The following CDH9 variants were observed in gnomAD, a reference collection of about 807,000 sequenced individuals.
The protein encoded by CDH9 is cadherin-9.
In CDH9, 28 loss-of-function variants were observed where a neutral mutation model predicts 70.9. The observed-to-expected ratio is 0.40, with a 90% CI of 0.29 to 0.54. The LOEUF is 0.54. CDH9 is among the 20% of genes least tolerant of loss of function. CDH9 has a pLI of 0.59. For synonymous variants in CDH9, 409 were observed against 343.1 expected (o/e 1.19, Z -2.12); for missense variants, 874 against 984.4 (o/e 0.89, Z 1.50).
At chr5:27,036,541 A>G (rs1743395445) in intron 1 of CDH9, among the ~76,000 whole-genome samples, 1 of 151,980 alleles carries the variant, frequency 6.6e-6, no homozygotes, top group African/African-American at 2.4e-5. Flanking sequence ...CTGTAATAAA[A>G]GAAAAATAAT....
At chr5:27,036,371 A>G (rs1743392402) in intron 1 of CDH9, among the ~76,000 whole-genome samples, 1 of 151,926 alleles carries the variant, frequency 6.6e-6, no homozygotes. Flanking sequence ...AAGTTGAGCA[A>G]CACAACATTT....
chr5:27,024,535 C>T (rs1476557069), intron 1 of CDH9, among the ~76,000 whole-genome samples: 1 of 152,036 alleles, frequency 6.6e-6, no homozygotes, highest in Non-Finnish European at 1.5e-5. Flanking sequence ...TCTTCTCAAA[C>T]ACAGTAGTGA....
intron 2 of CDH9, among the ~76,000 whole-genome samples, chr5:26,976,089 T>A (rs2112078740): frequency 6.6e-6 from 1 of 152,204 alleles, no homozygotes; most frequent in African/African-American, 2.4e-5. Context: ...TCTAAGGAAA[T>A]AAACAGAAAT....
At chr5:26,978,582 CT>C (rs35408093) in intron 2 of CDH9, among the ~76,000 whole-genome samples, 4 of 150,104 alleles carry the variant, frequency 2.7e-5, no homozygotes, top group Admixed American at 6.6e-5. Flanking sequence ...ACAAAAATAA[CT>C]TTTTTTTTAA....
At chr5:27,033,739 G>T (rs929168565) in intron 1 of CDH9, among the ~76,000 whole-genome samples, 2 of 151,450 alleles carry the variant, frequency 1.3e-5, no homozygotes, top group Non-Finnish European at 3.0e-5. Flanking sequence ...TAGAAATTAT[G>T]TAATAATACT....
At chr5:26,914,579 A>G (rs1561193460) in intron 3 of CDH9, among the ~76,000 whole-genome samples, 1 of 151,990 alleles carries the variant, frequency 6.6e-6, no homozygotes, top group Non-Finnish European at 1.5e-5. Flanking sequence ...GTTTTCCTCA[A>G]TTAGATGACA....
At chr5:26,940,162 C>CA (rs36027792) in intron 2 of CDH9, among the ~76,000 whole-genome samples, 102,156 of 136,190 alleles carry the variant, frequency 0.75, 40,277 homozygotes, top group East Asian at 0.98. Flanking sequence ...GACTCAGTTG[C>CA]AAAAAAAAAA....
rs564324367 is a variant in CDH9, at chr5:26,915,646, A to C, written c.507T>G (p.Pro169=). ...TATACCTACCGACTCCAGACATTTC[A>C]GGAACACTGGCAGTGTATAAGTCTT... is the stretch of plus-strand genomic sequence containing the variant. ...FTKDLYTASV[P]EMSGVGTSVI... Residue 169 remains proline (P), a synonymous_variant, in exon 3 of 12, where the codon CCT becomes CCG. Coordinates refer to ENST00000231021, the MANE Select transcript of CDH9 (RefSeq NM_016279.4). 1 of 1,592,810 alleles carries C rather than the reference A, an allele frequency of 6.3e-7. No individual in the cohort carries two copies. The highest frequency in any genetic ancestry group is 2.2e-5 in the East Asian group (1 of 44,758).
At chr5:26,901,583 T>C (rs1333123157) in intron 7 of CDH9, among the ~76,000 whole-genome samples, 1 of 151,910 alleles carries the variant, frequency 6.6e-6, no homozygotes, top group African/African-American at 2.4e-5. Context: ...TTTCCCTAAC[T>C]AATTAAATGT....
At chr5:27,024,019 T>G (rs1743182384) in intron 1 of CDH9, among the ~76,000 whole-genome samples, 1 of 151,504 alleles carries the variant, frequency 6.6e-6, no homozygotes, top group Non-Finnish European at 1.5e-5. Context: ...GCCACTACAT[T>G]CCAGCCTGGG....
rs1488932482 is a variant in CDH9, at chr5:26,906,719, C to T, written c.643G>A (p.Gly215Ser). 6.2e-7 allele frequency: 1 copy of T among 1,612,434 alleles called. No homozygotes were observed. The highest frequency in any genetic ancestry group is 1.3e-5 in the African/African-American group (1 of 74,858). ...AGTCAGCCAAGTTTAAATGTTGTAC[C>T]TGATTCTGGGTCCACTGAAAAATAT... is the stretch of plus-strand genomic sequence containing the variant. ...QPYFSVDPES[G>S]IIKTALPDMS... Residue 215 changes from glycine to serine, a missense_variant and splice_region_variant, in exon 4 of 12, where the codon GGC (glycine) becomes AGC (serine). Transcript: ENST00000231021.
intron 7 of CDH9, among the ~76,000 whole-genome samples, chr5:26,893,150 T>G (rs1278906974): frequency 6.6e-6 from 1 of 152,208 alleles, no homozygotes; most frequent in Non-Finnish European, 1.5e-5. Flanking sequence ...AGAATTATGC[T>G]GAACTTAAGG....
intron 2 of CDH9, among the ~76,000 whole-genome samples, chr5:26,955,421 C>T (rs1325148259): frequency 1.3e-5 from 2 of 152,176 alleles, no homozygotes; most frequent in Non-Finnish European, 2.9e-5. Context: ...CATTCCTTTC[C>T]TCAGGGCTCA....
intron 1 of CDH9, among the ~76,000 whole-genome samples, chr5:27,003,239 C>T (rs750648186): frequency 3.3e-5 from 5 of 152,048 alleles, no homozygotes; most frequent in Non-Finnish European, 7.4e-5. Flanking sequence ...GGATGTTCTA[C>T]CTGTATCTGT....
chr5:26,962,542 G>A (rs1742055179), intron 2 of CDH9, among the ~76,000 whole-genome samples: 1 of 152,058 alleles, frequency 6.6e-6, no homozygotes, highest in Non-Finnish European at 1.5e-5. Flanking sequence ...ATCTCATTGT[G>A]GTTTTGATTT....
At chr5:26,994,568 GTTTTT>G (rs551273557) in intron 1 of CDH9, among the ~76,000 whole-genome samples, 2 of 147,650 alleles carry the variant, frequency 1.4e-5, no homozygotes, top group Middle Eastern at 3.5e-3. Flanking sequence ...TGTTTGTTTT[GTTTTT>G]TTTTGCTCTT....
intron 2 of CDH9, among the ~76,000 whole-genome samples, chr5:26,927,492 A>G (rs1211012585): frequency 2.6e-5 from 4 of 152,060 alleles, no homozygotes; most frequent in South Asian, 2.1e-4. Flanking sequence ...AGAAGGAAAT[A>G]TATTTGGAAT....
rs41271091 is a variant in CDH9, at chr5:26,886,091, C to A, written c.1513-8G>T. The A allele has an allele frequency of 0.15, 239,312 of 1,577,272 alleles. 18,856 individuals carry two copies. The highest frequency in any genetic ancestry group is 0.28 in the Middle Eastern group (1,625 of 5,846). On this transcript the variant is annotated splice_region_variant and splice_polypyrimidine_tract_variant and intron_variant, in intron 9 of 11. Coordinates refer to ENST00000231021, the MANE Select transcript of CDH9 (RefSeq NM_016279.4). ...ACTGACAGTCTGAATCAACTGAAAC[C>A]AAAATTAATTAATTAATTAATTAAG... is the stretch of plus-strand genomic sequence containing the variant.
chr5:26,896,310 C>T (rs913242746), intron 7 of CDH9, among the ~76,000 whole-genome samples: 2 of 151,608 alleles, frequency 1.3e-5, no homozygotes, highest in Non-Finnish European at 2.9e-5. Flanking sequence ...TTATCAGATA[C>T]AGGAGAGGTT....
Sources: gnomAD v4.1 joint callset for allele counts (sites outside exome capture counted in the v4.1 genomes callset) on GRCh38, gnomAD v4.1.1 for gene constraint, MANE v1.5 for transcripts, NCBI Gene and HGNC (gene_info 2026-07-23, HGNC 2026-07-21) for gene names.